Variants in IQCM observed in about 807,000 individuals in gnomAD.
IQCM encodes the protein IQ domain-containing protein M.
Under a neutral mutation model 57.6 loss-of-function variants are expected in IQCM, and 45 were observed. The ratio of observed to expected loss-of-function variants is 0.78; its 90% CI spans 0.62 to 1.00. IQCM has a LOEUF of 1.00. IQCM is among the 50% of genes least tolerant of loss of function. The pLI is 0.00. For synonymous variants in IQCM, 148 were observed against 158.9 expected (o/e 0.93, Z 0.51); for missense variants, 468 against 511.6 (o/e 0.91, Z 0.82).
intron 12 of IQCM, among the ~76,000 whole-genome samples, chr4:149,505,372 A>G (rs1241282274): frequency 6.6e-6 from 1 of 152,206 alleles, no homozygotes; most frequent in Non-Finnish European, 1.5e-5. Flanking sequence ...TTATAGTTAC[A>G]TTGTATTGAC....
intron 5 of IQCM, among the ~76,000 whole-genome samples, chr4:149,707,727 T>C (rs1260998302): frequency 6.6e-6 from 1 of 151,968 alleles, no homozygotes. Flanking sequence ...TAAGTAATAA[T>C]GTTCTTGTCT....
At chr4:149,380,872 A>C (rs1731030360) in intron 13 of IQCM, among the ~76,000 whole-genome samples, 1 of 152,188 alleles carries the variant, frequency 6.6e-6, no homozygotes, top group African/African-American at 2.4e-5. Context: ...ACTTTTGCTC[A>C]GAAGTTCTTA....
At chr4:149,603,719 T>TCCTAAC (rs1366205656) in intron 8 of IQCM, among the ~76,000 whole-genome samples, 10 of 151,654 alleles carry the variant, frequency 6.6e-5, no homozygotes, top group African/African-American at 2.4e-4. Flanking sequence ...AGAGGAATAG[T>TCCTAAC]TAAAAAAAAA....
intron 11 of IQCM, among the ~76,000 whole-genome samples, chr4:149,552,017 T>C (rs1388690183): frequency 6.6e-6 from 1 of 152,136 alleles, no homozygotes; most frequent in Non-Finnish European, 1.5e-5. Context: ...TAGCAACCTC[T>C]GACTTATATA....
rs529139516 is a variant in IQCM at position 149,394,382 on chromosome 4, T to C, written c.1390+39014A>G. 3.3e-5 allele frequency among the ~76,000 whole-genome samples: 5 copies of C among 152,144 alleles called. No homozygotes were observed. In the South Asian group the frequency reaches 1.0e-3, roughly 32 times the overall value. The stretch of plus-strand genomic sequence containing the variant: ...ATATTTTGTTCCCAATTTTTAAAAA[T>C]CTGTTGTGTACTTCATCATTTTCTT... On this transcript the variant is annotated intron_variant, in intron 13 of 13. Coordinates refer to ENST00000636793, the MANE Select transcript of IQCM (RefSeq NM_001363507.2).
At chr4:149,670,076 C>T (rs555763639) in intron 7 of IQCM, among the ~76,000 whole-genome samples, 3 of 152,154 alleles carry the variant, frequency 2.0e-5, no homozygotes, top group African/African-American at 4.8e-5. Context: ...GCAGTAAGGC[C>T]ATTTTCAAAA....
At chr4:149,555,656 C>T (rs1284896838) in intron 10 of IQCM, among the ~76,000 whole-genome samples, 1 of 152,126 alleles carries the variant, frequency 6.6e-6, no homozygotes, top group East Asian at 1.9e-4. Flanking sequence ...GTACAATATC[C>T]TATTCAACAT....
chr4:149,568,154 T>C (rs1051684486), intron 9 of IQCM, among the ~76,000 whole-genome samples: 3 of 152,104 alleles, frequency 2.0e-5, no homozygotes, highest in Non-Finnish European at 2.9e-5. Context: ...CATCTAGACA[T>C]GGAAGTCCCC....
intron 13 of IQCM, among the ~76,000 whole-genome samples, chr4:149,420,293 G>A (rs1560820495): frequency 1.3e-5 from 2 of 151,940 alleles, no homozygotes; most frequent in African/African-American, 4.8e-5. Flanking sequence ...ACATATACAC[G>A]ATAGAATACT....
At chr4:149,623,962 T>C (rs901254730) in intron 7 of IQCM, among the ~76,000 whole-genome samples, 16 of 152,308 alleles carry the variant, frequency 1.1e-4, no homozygotes, top group Admixed American at 5.2e-4. Context: ...ATAAAAAAAT[T>C]TGTTAAATAA....
chr4:149,503,056 A>G (rs1397896749), intron 12 of IQCM, among the ~76,000 whole-genome samples: 1 of 152,054 alleles, frequency 6.6e-6, no homozygotes, highest in Non-Finnish European at 1.5e-5. Context: ...CTACAAAAAA[A>G]AAATTGTTAT....
At chr4:149,732,530 G>A (rs1766555238) in intron 5 of IQCM, among the ~76,000 whole-genome samples, 2 of 152,144 alleles carry the variant, frequency 1.3e-5, no homozygotes, top group Admixed American at 1.3e-4. Flanking sequence ...TACTCTCTGA[G>A]CCTTTTAATT....
At position 149,474,045 on chromosome 4, in the gene IQCM, A is replaced by G. The variant is rs138490505; in HGVS notation, c.1229-40488T>C. Among the ~76,000 whole-genome samples, 672 of 152,262 alleles carry G rather than the reference A, an allele frequency of 4.4e-3. 6 individuals carry two copies. The highest frequency in any genetic ancestry group is 0.015 in the African/African-American group (621 of 41,538). Reference sequence around the variant, plus strand: ...ATGTAAATGACAAGTTAACGGGTGCAGCACACCAACATGGCACATGTATAC... The same window carrying G: ...ATGTAAATGACAAGTTAACGGGTGCGGCACACCAACATGGCACATGTATAC... On this transcript the variant is annotated intron_variant, in intron 12 of 13. Transcript: ENST00000636793.
rs866940620 is a variant in IQCM, at chr4:149,625,826, A to C, written c.566-4582T>G. On this transcript the variant is annotated intron_variant, in intron 7 of 13. Coordinates refer to ENST00000636793, the MANE Select transcript of IQCM (RefSeq NM_001363507.2). ...TGCAGCTTAAAATACTCAGCATACC[A>C]AGGCACCACATTTTTGGGGTATCGT... Among the ~76,000 whole-genome samples, 6 of 152,232 alleles carry C rather than the reference A, an allele frequency of 3.9e-5. No individual in the cohort carries two copies. The South Asian group carries it at 1.2e-3, about 32-fold the overall frequency.
At chr4:149,782,364 T>A (rs1035306605) in intron 2 of IQCM, among the ~76,000 whole-genome samples, 10 of 152,014 alleles carry the variant, frequency 6.6e-5, no homozygotes, top group African/African-American at 2.4e-4. Flanking sequence ...ACACTAAATA[T>A]GTAATAAAAC....
At chr4:149,689,055 A>G (rs56144763) in intron 5 of IQCM, among the ~76,000 whole-genome samples, 31,937 of 151,930 alleles carry the variant, frequency 0.21, 4,143 homozygotes, top group Non-Finnish European at 0.28. Context: ...AGGATTTCAT[A>G]ACCAAGAACC....
chr4:149,663,563 A>G (rs1760419604), intron 7 of IQCM, among the ~76,000 whole-genome samples: 1 of 152,002 alleles, frequency 6.6e-6, no homozygotes, highest in Non-Finnish European at 1.5e-5. Flanking sequence ...TGATAGGTAT[A>G]TTATTTCTCC....
intron 7 of IQCM, among the ~76,000 whole-genome samples, chr4:149,673,013 T>A (rs895621971): frequency 4.6e-5 from 7 of 152,234 alleles, no homozygotes; most frequent in African/African-American, 1.7e-4. Context: ...GAATTTCATA[T>A]CCAGCCAAAC....
At chr4:149,530,804 C>G (rs1579384758) in intron 12 of IQCM, among the ~76,000 whole-genome samples, 1 of 92 alleles carries the variant, frequency 0.011, no homozygotes, top group African/African-American at 0.017. Flanking sequence ...CACCCCCCCA[C>G]CCCCCCCCCA....
Sources: gnomAD v4.1 joint callset for allele counts (sites outside exome capture counted in the v4.1 genomes callset) on GRCh38, gnomAD v4.1.1 for gene constraint, MANE v1.5 for transcripts, NCBI Gene and HGNC (gene_info 2026-07-23, HGNC 2026-07-21) for gene names.